Variants in DDX60 observed in about 807,000 individuals in gnomAD.
DDX60 encodes the protein probable ATP-dependent RNA helicase DDX60.
DDX60 carries 165 observed loss-of-function variants against 212.8 expected under a neutral mutation model. The observed-to-expected ratio is 0.78, with a 90% CI of 0.68 to 0.88. The LOEUF (loss-of-function observed/expected upper bound fraction) is 0.88. Ranked by LOEUF, DDX60 falls within the 40% of genes least tolerant of loss-of-function variation. DDX60 has a pLI of 0.00. For missense variants in DDX60, 1,905 were observed against 2,003.9 expected (o/e 0.95, Z 0.94); for synonymous variants, 703 against 685.3 (o/e 1.03, Z -0.40).
chr4:168,294,429 C>T (rs928505117), intron 6 of DDX60, among the ~76,000 whole-genome samples: 3 of 152,132 alleles, frequency 2.0e-5, no homozygotes, highest in Non-Finnish European at 2.9e-5. Flanking sequence ...TCAAAGTAAA[C>T]ATCTTCTGCA....
chr4:168,317,964 C>CA (rs1737473462), intron 1 of DDX60, among the ~76,000 whole-genome samples: 1 of 152,204 alleles, frequency 6.6e-6, no homozygotes, highest in Admixed American at 6.5e-5. Flanking sequence ...ACAGCTCTGA[C>CA]ACCTTGATTT....
At chr4:168,307,779 T>C (rs1736950412) in intron 4 of DDX60, among the ~76,000 whole-genome samples, 1 of 152,212 alleles carries the variant, frequency 6.6e-6, no homozygotes, top group Non-Finnish European at 1.5e-5. Flanking sequence ...CTCATGATCC[T>C]GTGTGTCCTT....
chr4:168,288,285 T>G lies in DDX60; in HGVS notation c.1072A>C (p.Asn358His). 6.7e-7 allele frequency: 1 copy of G among 1,488,978 alleles called. No individual in the cohort carries two copies. Among genetic ancestry groups the G allele is most frequent in the Non-Finnish European group, 9.2e-7 (1 of 1,089,202 alleles). The allele number at this position is 1,488,978 out of a possible 1,614,324, so 92.2% of individuals were successfully genotyped here. A position where few individuals can be genotyped will look rare whatever the true frequency, so the allele number is the denominator to read the frequency against. Residue 358 changes from asparagine (N) to histidine (H), a missense_variant, in exon 9 of 38, where the codon AAT becomes CAT. Transcript: ENST00000393743. ...TTCCAAAATTCAAAAGTATGTATAT[T>G]TCTTAAGATGAAATATTCACACCAC... ...KKWCEYFILR[N>H]IHTFEFWNLN...
intron 28 of DDX60, among the ~76,000 whole-genome samples, chr4:168,248,989 A>G (rs866974652): frequency 6.6e-6 from 1 of 152,072 alleles, no homozygotes; most frequent in African/African-American, 2.4e-5. Context: ...TGAACTCCCG[A>G]CCTCAGCTGA....
intron 6 of DDX60, among the ~76,000 whole-genome samples, chr4:168,301,690 T>C (rs1360068999): frequency 6.6e-6 from 1 of 152,156 alleles, no homozygotes; most frequent in African/African-American, 2.4e-5. Context: ...ATAATTATTG[T>C]TGCAGACAAG....
In DDX60 at chr4:168,220,705, T is replaced by C; in HGVS notation, c.4989A>G (p.Gly1663=). 7.0e-7 allele frequency: 1 copy of C among 1,433,248 alleles called. No homozygotes were observed. The highest frequency in any genetic ancestry group is 9.2e-7 in the Non-Finnish European group (1 of 1,087,306). 88.8% of individuals were successfully genotyped at this position (1,433,248 alleles called of 1,614,324 possible). The change falls in exon 37 of 38, where the codon GGA becomes GGG. Residue 1663 remains glycine, a synonymous_variant. Transcript: ENST00000393743. ...GLVQDNRMNE[G]DAYYLLKDFA... ...AATCCTTCAACAAATAATAAGCATC[T>C]CCTTCATTCATCCTAAAGAAAACAA...
chr4:168,317,738 TTATACCTTCTTTAAAGGTACCC>T (rs1333610881), intron 1 of DDX60, among the ~76,000 whole-genome samples: 1 of 152,182 alleles, frequency 6.6e-6, no homozygotes, highest in Non-Finnish European at 1.5e-5. Flanking sequence ...CCAAAGAGGC[TTATACCTTCTTTAAAGGTACCC>T]TATACCTTCT....
At chr4:168,235,117 C>A (rs964972975) in intron 33 of DDX60, among the ~76,000 whole-genome samples, 12 of 151,988 alleles carry the variant, frequency 7.9e-5, no homozygotes, top group African/African-American at 2.7e-4. Flanking sequence ...AGACCCAGAT[C>A]CTTTTCTCTA....
intron 24 of DDX60, among the ~76,000 whole-genome samples, chr4:168,261,645 G>C (rs1734627391): frequency 6.6e-6 from 1 of 152,096 alleles, no homozygotes; most frequent in African/African-American, 2.4e-5. Context: ...AGTCAAAAAA[G>C]ACAGAGGAGT....
At chr4:168,323,038 A>G (rs556280466), upstream of DDX60, among the ~76,000 whole-genome samples, 42 of 152,320 alleles carry the variant, frequency 2.8e-4, no homozygotes, top group African/African-American at 9.4e-4. Context: ...GGTGCAGAGT[A>G]TATCTGGTGA....
intron 5 of DDX60, 22 bp from the exon 6 acceptor site, chr4:168,302,438 G>T: frequency 8.9e-7 from 1 of 1,127,502 alleles, no homozygotes; most frequent in Non-Finnish European, 1.2e-6. Context: ...AGAAAAATCA[G>T]AAAAGTTGTT....
intron 33 of DDX60, among the ~76,000 whole-genome samples, chr4:168,229,714 C>T (rs924010992): frequency 6.6e-6 from 1 of 151,940 alleles, no homozygotes; most frequent in Non-Finnish European, 1.5e-5. Context: ...CTGAAAGGAG[C>T]TCTAACTCTT....
intron 30 of DDX60, among the ~76,000 whole-genome samples, chr4:168,241,052 C>A (rs1437463328): frequency 6.6e-6 from 1 of 152,190 alleles, no homozygotes; most frequent in Non-Finnish European, 1.5e-5. Context: ...CTTATGAAAT[C>A]TGATGGTTTT....
At chr4:168,263,574 T>C (rs1462711587) in intron 22 of DDX60, 1 of 152,188 alleles carries the variant, frequency 6.6e-6, no homozygotes, top group East Asian at 1.9e-4. Context: ...AGGCAAATCC[T>C]CTGGGAGATG....
chr4:168,268,943 T>C lies in DDX60; in HGVS notation c.2697A>G (p.Gly899=). The change falls in exon 20 of 38, where the codon GGA becomes GGG. Residue 899 remains glycine (G), a synonymous_variant. Coordinates refer to ENST00000393743, the MANE Select transcript of DDX60 (RefSeq NM_017631.6). ...DEVHCLGGEI[G]AEIWEHLLVM... ...CAAGGAGATGTTCCCAGATTTCTGCTCCAATTTCTCCACCAAGACAATGAA... is the reference window on the plus strand; with the variant it reads ...CAAGGAGATGTTCCCAGATTTCTGCCCCAATTTCTCCACCAAGACAATGAA... 1 of 1,585,762 alleles carries C rather than the reference T, an allele frequency of 6.3e-7. No homozygotes were observed. Among genetic ancestry groups the C allele is most frequent in the South Asian group, 1.2e-5 (1 of 86,312 alleles).
intron 7 of DDX60, among the ~76,000 whole-genome samples, chr4:168,292,888 T>A (rs963343645): frequency 2.6e-5 from 4 of 152,196 alleles, no homozygotes; most frequent in Non-Finnish European, 5.9e-5. Context: ...AAATACTATG[T>A]CTAGTTATGA....
intron 17 of DDX60, 65 bp downstream of exon 17, chr4:168,273,869 T>A: frequency 5.2e-6 from 8 of 1,527,484 alleles, no homozygotes; most frequent in Non-Finnish European, 7.1e-6. Context: ...CATGTGACCA[T>A]GTTCATTATT....
chr4:168,261,919 T>C, intron 24 of DDX60, 81 bp downstream of exon 24: 1 of 1,451,460 alleles, frequency 6.9e-7, no homozygotes, highest in Admixed American at 2.8e-5. Flanking sequence ...TTAAAAAAAA[T>C]CAGAAAATGG....
chr4:168,288,489 A>G (rs747800485), intron 8 of DDX60, among the ~76,000 whole-genome samples, 174 bp from the exon 9 acceptor site: 1 of 152,224 alleles, frequency 6.6e-6, no homozygotes, highest in Non-Finnish European at 1.5e-5. Context: ...GAATTAAAGC[A>G]TAAAATAAAA....
Sources: gnomAD v4.1 joint callset for allele counts (sites outside exome capture counted in the v4.1 genomes callset) on GRCh38, gnomAD v4.1.1 for gene constraint, MANE v1.5 for transcripts, NCBI Gene and HGNC (gene_info 2026-07-23, HGNC 2026-07-21) for gene names.